Variants in NEXN observed in about 807,000 individuals in gnomAD.
NEXN encodes nexilin.
In NEXN, 65 loss-of-function variants were observed where a neutral mutation model predicts 92.6. The ratio of observed to expected loss-of-function variants is 0.70; its 90% CI spans 0.57 to 0.86. NEXN has a LOEUF of 0.86. NEXN is among the 40% of genes least tolerant of loss of function. The pLI, the probability that NEXN is intolerant of heterozygous loss-of-function variation, is 0.00. For synonymous variants in NEXN, 254 were observed against 242.5 expected (o/e 1.05, Z -0.44); for missense variants, 778 against 771.1 (o/e 1.01, Z -0.11).
chr1:77,912,498 T>C (rs546774381), intron 1 of NEXN, among the ~76,000 whole-genome samples: 1 of 152,326 alleles, frequency 6.6e-6, no homozygotes, highest in Non-Finnish European at 1.5e-5. Context: ...CAACACAGTG[T>C]TGAAGGAGAA....
intron 5 of NEXN, among the ~76,000 whole-genome samples, chr1:77,922,089 G>T (rs1006089352): frequency 1.1e-4 from 16 of 150,928 alleles, no homozygotes; most frequent in African/African-American, 3.4e-4. Context: ...TTTATTGAGA[G>T]ATTAACATGA....
At chr1:77,938,662 T>C (rs1650993819) in intron 11 of NEXN, among the ~76,000 whole-genome samples, 1 of 151,400 alleles carries the variant, frequency 6.6e-6, no homozygotes, top group Non-Finnish European at 1.5e-5. Flanking sequence ...AGTACTATAA[T>C]AGAAGTTATT....
intron 1 of NEXN, among the ~76,000 whole-genome samples, chr1:77,903,993 T>A (rs1329857027): frequency 7.0e-6 from 1 of 143,342 alleles, no homozygotes; most frequent in Non-Finnish European, 1.5e-5. Context: ...AATTTTTAGT[T>A]TTTATTTTTA....
intron 5 of NEXN, among the ~76,000 whole-genome samples, chr1:77,921,793 C>T (rs895846044): frequency 6.6e-6 from 1 of 152,056 alleles, no homozygotes; most frequent in Non-Finnish European, 1.5e-5. Flanking sequence ...TGTCTGCAGT[C>T]CCAGCTACTT....
At position 77,939,357 on chromosome 1, in the gene NEXN, TAC is replaced by T. The variant is rs1193592163; in HGVS notation, c.1474-2664_1474-2663del. Among the ~76,000 whole-genome samples, 4 of 152,318 alleles carry T rather than the reference TAC, an allele frequency of 2.6e-5. No homozygotes were observed. In the South Asian group the frequency reaches 8.3e-4, roughly 32 times the overall value. On this transcript the variant is annotated intron_variant, in intron 11 of 12. Coordinates refer to ENST00000334785, the MANE Select transcript of NEXN (RefSeq NM_144573.4). ...TGAGAGGCAAGCAGATACCAACTTT[TAC>T]AGACAGCACTGGAAAGTACAAGTAG...
At chr1:77,925,024 A>G (rs1649737234) in intron 5 of NEXN, among the ~76,000 whole-genome samples, 164 bp from the exon 6 acceptor site, 1 of 152,236 alleles carries the variant, frequency 6.6e-6, no homozygotes, top group African/African-American at 2.4e-5. Context: ...AACAATAAAT[A>G]TAAAGGATAT....
Position 77,943,639 on chromosome 1 carries a change from ATATTT to A in NEXN, c.*813_*817del. On this transcript the variant is annotated 3_prime_UTR_variant, in exon 13 of 13. Coordinates refer to ENST00000334785, the MANE Select transcript of NEXN (RefSeq NM_144573.4). ...TGTTGTGATCTTGCCTGAACAAATT[ATATTT>A]TAATGAAAAAACTTTCTATTAATAG... 6.6e-6 allele frequency: 1 copy of A among 152,248 alleles called. No homozygotes were observed. The highest frequency in any genetic ancestry group is 2.1e-4 in the South Asian group (1 of 4,836). The allele number at this position is 152,248 out of a possible 1,614,324, so 9.4% of individuals were successfully genotyped here.
chr1:77,942,086 A>G lies in NEXN; in HGVS notation c.1537A>G (p.Met513Val), dbSNP rs376347342. ...SEAPFTHKVN[M>V]KARFEQMAKA... is the part of the protein sequence containing the mutation. ...GGCTCCATTTACTCACAAAGTGAAT[A>G]TGAAAGCTAGATTTGAACAAATGGC... The change falls in exon 12 of 13, where the codon ATG (methionine) becomes GTG (valine). Residue 513 changes from methionine to valine, a missense_variant. Physicochemically the swap from Met to Val is conservative, Grantham distance 21. Transcript: ENST00000334785. 1.9e-6 allele frequency: 3 copies of G among 1,613,674 alleles called. No individual in the cohort carries two copies. The highest frequency in any genetic ancestry group is 1.3e-5 in the African/African-American group (1 of 74,912).
chr1:77,905,001 C>T (rs1353156452), intron 1 of NEXN, among the ~76,000 whole-genome samples: 10 of 152,098 alleles, frequency 6.6e-5, no homozygotes, highest in African/African-American at 1.2e-4. Context: ...TGGTGGCTCA[C>T]GCCTTTAATC....
At chr1:77,926,295 T>A (rs1233021854) in intron 6 of NEXN, 119 bp from the exon 7 acceptor site, 3 of 654,850 alleles carry the variant, frequency 4.6e-6, no homozygotes, top group Non-Finnish European at 8.0e-6. Flanking sequence ...TGTAAAAAAA[T>A]GTTCTTCATA....
At chr1:77,908,520 C>G (rs1408315036) in intron 1 of NEXN, among the ~76,000 whole-genome samples, 2 of 151,684 alleles carry the variant, frequency 1.3e-5, no homozygotes, top group Non-Finnish European at 2.9e-5. Context: ...CCTGCCTCAG[C>G]CTCCCGAGTA....
At chr1:77,928,805 T>G (rs1224107797) in intron 8 of NEXN, among the ~76,000 whole-genome samples, 1 of 152,164 alleles carries the variant, frequency 6.6e-6, no homozygotes. Context: ...AAGTTAATAC[T>G]CAACAGTAAC....
chr1:77,913,116 T>A (rs1388799407), intron 1 of NEXN, among the ~76,000 whole-genome samples: 1 of 151,928 alleles, frequency 6.6e-6, no homozygotes, highest in Non-Finnish European at 1.5e-5. Flanking sequence ...ACAACCCAAT[T>A]AAAAAATGGA....
chr1:77,930,121 G>C (rs775523461), intron 9 of NEXN, among the ~76,000 whole-genome samples: 35 of 152,154 alleles, frequency 2.3e-4, no homozygotes, highest in Admixed American at 7.9e-4. Flanking sequence ...TTTGAGACTA[G>C]AGCACTGCAT....
chr1:77,906,670 T>C (rs942646116), intron 1 of NEXN, among the ~76,000 whole-genome samples: 21 of 152,168 alleles, frequency 1.4e-4, no homozygotes, highest in Non-Finnish European at 2.8e-4. Flanking sequence ...TGGTTTCTGT[T>C]TTGAGACAGG....
chr1:77,936,966 A>G (rs1616949), intron 11 of NEXN, among the ~76,000 whole-genome samples: 135,977 of 152,070 alleles, frequency 0.89, 60,933 homozygotes, highest in Non-Finnish European at 0.92. Flanking sequence ...AGATGCAAGC[A>G]TAACTGAGAT....
intron 1 of NEXN, among the ~76,000 whole-genome samples, chr1:77,906,270 A>G (rs1648105121): frequency 6.6e-6 from 1 of 152,186 alleles, no homozygotes; most frequent in African/African-American, 2.4e-5. Flanking sequence ...GAAAAGCATT[A>G]TTAGGCCCAT....
intron 1 of NEXN, among the ~76,000 whole-genome samples, chr1:77,902,009 A>G (rs1647754640): frequency 6.6e-6 from 1 of 152,172 alleles, no homozygotes. Context: ...ATTTTATCTC[A>G]TCTAGACCAT....
intron 1 of NEXN, among the ~76,000 whole-genome samples, chr1:77,893,837 T>C (rs1647160801): frequency 6.6e-6 from 1 of 151,876 alleles, no homozygotes; most frequent in Non-Finnish European, 1.5e-5. Flanking sequence ...TTTCTTTCTT[T>C]CTTTTTTTTT....
Sources: allele counts gnomAD v4.1 joint callset (sites outside exome capture counted in the v4.1 genomes callset), GRCh38; gene constraint gnomAD v4.1.1; transcripts MANE v1.5; gene names NCBI Gene and HGNC (gene_info 2026-07-23, HGNC 2026-07-21).